TUBGCP3: variants seen among roughly 807,000 people sequenced by gnomAD.
TUBGCP3 encodes gamma-tubulin complex component 3.
TUBGCP3 carries 50 observed loss-of-function variants against 123.1 expected under a neutral mutation model. That is an observed-to-expected ratio of 0.41 (90% CI 0.32 to 0.51). The LOEUF is 0.51. Among genes scored for constraint, TUBGCP3 ranks in the 20% least tolerant of loss-of-function variants. The probability of loss-of-function intolerance (pLI) is 0.36; values close to 1 mark genes in which losing one functional copy is unlikely to be tolerated. For synonymous variants in TUBGCP3, 405 were observed against 413.9 expected (o/e 0.98, Z 0.26); for missense variants, 882 against 1,127.0 (o/e 0.78, Z 3.11).
intron 1 of TUBGCP3, among the ~76,000 whole-genome samples, chr13:112,579,693 G>A (rs1307112675): frequency 2.7e-5 from 4 of 148,282 alleles, no homozygotes; most frequent in East Asian, 2.0e-4. Flanking sequence ...TGCTGTGTGC[G>A]GGTGGAGCCA....
At position 112,554,887 on chromosome 13, in the gene TUBGCP3, C is replaced by T; in HGVS notation, c.840G>A (p.Lys280=). Reference sequence around the variant, plus strand: ...TAACTTAGATTTTATGTTACTGTACCTTTCCTTCTACTTTGTAACAATTTT... The same window carrying T: ...TAACTTAGATTTTATGTTACTGTACTTTTCCTTCTACTTTGTAACAATTTT... ...NTENCYKVEG[K]ANLSRSLRDT... is the part of the protein sequence containing the mutation. Residue 280 remains lysine (K), a splice_region_variant and synonymous_variant, in exon 7 of 22, where the codon AAG becomes AAA. Transcript: ENST00000261965. 6.3e-7 allele frequency: 1 copy of T among 1,588,016 alleles called. No individual in the cohort carries two copies.
chr13:112,522,965 G>A lies in TUBGCP3; in HGVS notation c.1556-456C>T, dbSNP rs141554068. On this transcript the variant is annotated intron_variant, in intron 13 of 21. Coordinates refer to ENST00000261965, the MANE Select transcript of TUBGCP3 (RefSeq NM_006322.6). ...CATGCACCATAGAGTGAACTCTACG[G>A]AGATTGGTGGAGATGTCTAGGGGAC... is the stretch of plus-strand genomic sequence containing the variant. Among the ~76,000 whole-genome samples the A allele has an allele frequency of 7.9e-5, 12 of 152,290 alleles. No individual in the cohort carries two copies. The East Asian group carries it at 1.5e-3, about 20-fold the overall frequency.
At chr13:112,504,407 G>A (rs973501810) in intron 18 of TUBGCP3, among the ~76,000 whole-genome samples, 2 of 150,176 alleles carry the variant, frequency 1.3e-5, no homozygotes, top group African/African-American at 2.5e-5. Flanking sequence ...AGAATCGCTT[G>A]AACCCAGGAG....
At chr13:112,562,112 A>C (rs2139243600) in intron 3 of TUBGCP3, among the ~76,000 whole-genome samples, 1 of 150,374 alleles carries the variant, frequency 6.7e-6, no homozygotes, top group Non-Finnish European at 1.5e-5. Flanking sequence ...CCACTAGGGA[A>C]CACCACCAGC....
rs1333119715 is a variant in TUBGCP3, at chr13:112,565,214, C to A, written c.185-36G>T. ...AGAAAAAAAATAAGTGTGGTAACTA[C>A]AAACACCAAAATTCATTCTTATGAT... On this transcript the variant is annotated intron_variant, in intron 2 of 21. Coordinates refer to ENST00000261965, the MANE Select transcript of TUBGCP3 (RefSeq NM_006322.6). The A allele has an allele frequency of 2.6e-6, 4 of 1,561,746 alleles. No homozygotes were observed. The East Asian group carries it at 9.0e-5, about 35-fold the overall frequency.
At chr13:112,562,159 C>A (rs371017122) in intron 3 of TUBGCP3, among the ~76,000 whole-genome samples, 1,055 of 83,348 alleles carry the variant, frequency 0.013, no homozygotes, top group Middle Eastern at 0.044. Context: ...CCAGGACCCA[C>A]TAGGGAACAC....
chr13:112,559,339 G>A lies in TUBGCP3; in HGVS notation c.313C>T (p.Arg105Cys), dbSNP rs375434522. The A allele has an allele frequency of 1.3e-5, 21 of 1,611,886 alleles. No individual in the cohort carries two copies. In the East Asian group the frequency reaches 1.3e-4, roughly 10 times the overall value. ...YLLLSLSEDPRRQPSKVSSYA... is the reference protein window; with the variant it reads ...YLLLSLSEDPCRQPSKVSSYA... Reference sequence around the variant, plus strand: ...CCACTTACCTTGCTTGGCTGCCTGCGTGGGTCCTCACTGAGGCTCAGCAAG... The same window carrying A: ...CCACTTACCTTGCTTGGCTGCCTGCATGGGTCCTCACTGAGGCTCAGCAAG... The change falls in exon 4 of 22, where the codon CGC becomes TGC. Residue 105 changes from arginine to cysteine, a missense_variant. Arg to Cys is a radical substitution (Grantham distance 180, BLOSUM62 -3). Transcript: ENST00000261965.
chr13:112,501,643 T>A (rs1429187289), intron 19 of TUBGCP3, among the ~76,000 whole-genome samples: 2 of 152,264 alleles, frequency 1.3e-5, no homozygotes, highest in African/African-American at 4.8e-5. Flanking sequence ...TAATAGATTG[T>A]TTTAATCTGC....
chr13:112,601,900 T>C, the TUBGCP3 span, among the ~76,000 whole-genome samples: 5 of 152,244 alleles, frequency 3.3e-5, no homozygotes, highest in East Asian at 7.7e-4. Context: ...CCGCACTTCC[T>C]GCTGTGCCTC....
intron 3 of TUBGCP3, among the ~76,000 whole-genome samples, chr13:112,564,070 G>GA (rs35310302): frequency 0.3 from 45,348 of 151,926 alleles, 7,417 homozygotes; most frequent in African/African-American, 0.42. Context: ...AAAGATTTAA[G>GA]AAAGCAAATG....
chr13:112,591,499 C>T (rs1036407977), upstream of TUBGCP3, among the ~76,000 whole-genome samples: 1 of 152,216 alleles, frequency 6.6e-6, no homozygotes, highest in Non-Finnish European at 1.5e-5. Context: ...AGCCATTGCC[C>T]ATGAAACAAA....
intron 11 of TUBGCP3, among the ~76,000 whole-genome samples, chr13:112,530,117 A>G (rs965909925): frequency 1.3e-5 from 2 of 152,236 alleles, no homozygotes; most frequent in Non-Finnish European, 2.9e-5. Flanking sequence ...GGATGGCCTC[A>G]GTTGATTTCA....
At chr13:112,604,183 TAG>T in the TUBGCP3 span, 4 of 151,512 alleles carry the variant, frequency 2.6e-5, no homozygotes, top group Non-Finnish European at 5.9e-5. Context: ...TCCAGATCTT[TAG>T]AGTCTTGTAT....
At chr13:112,528,344 C>A (rs1877302254) in intron 11 of TUBGCP3, among the ~76,000 whole-genome samples, 3 of 152,222 alleles carry the variant, frequency 2.0e-5, no homozygotes, top group Admixed American at 2.0e-4. Flanking sequence ...TTCCTTTCCA[C>A]ACAGCTGTGT....
At chr13:112,579,964 T>G (rs9550153) in intron 1 of TUBGCP3, among the ~76,000 whole-genome samples, 44,311 of 152,156 alleles carry the variant, frequency 0.29, 7,013 homozygotes, top group African/African-American at 0.4. Flanking sequence ...ATGGATAAAC[T>G]GGTTCATCAT....
chr13:112,523,118 A>G (rs898122756), intron 13 of TUBGCP3, among the ~76,000 whole-genome samples: 2 of 152,246 alleles, frequency 1.3e-5, no homozygotes, highest in Non-Finnish European at 2.9e-5. Context: ...AGCTTCTTAC[A>G]GTGCTGATTT....
intron 21 of TUBGCP3, 73 bp downstream of exon 21, chr13:112,489,508 C>T (rs1879931313): frequency 9.4e-7 from 1 of 1,062,700 alleles, no homozygotes. Flanking sequence ...GCTCTCATCA[C>T]TGTGAAAGCA....
chr13:112,581,720 A>T (rs925628752), intron 1 of TUBGCP3, among the ~76,000 whole-genome samples: 3 of 152,236 alleles, frequency 2.0e-5, no homozygotes, highest in Admixed American at 6.5e-5. Flanking sequence ...TGCTGGGATT[A>T]CAGGTGTGAG....
chr13:112,486,064 G>A lies in TUBGCP3; in HGVS notation c.2653C>T (p.His885Tyr). 6.2e-7 allele frequency: 1 copy of A among 1,610,080 alleles called. No homozygotes were observed. The highest frequency in any genetic ancestry group is 2.2e-5 in the East Asian group (1 of 44,864). ...AGCCTGGGCTCCCTGGCTTTGTAAT[G>A]CTCGTTGAAGTCCAGCCTGAAGCTA... is the stretch of plus-strand genomic sequence containing the variant. ...FLSFRLDFNE[H>Y]YKAREPRLRV... is the part of the protein sequence containing the mutation. The change falls in exon 22 of 22, where the codon CAT becomes TAT. Residue 885 changes from histidine (H) to tyrosine (Y), a missense_variant. This residue lies in a region of TUBGCP3 where 160 missense variants were observed against 220.3 expected (regional missense o/e 0.73). Coordinates refer to ENST00000261965, the MANE Select transcript of TUBGCP3 (RefSeq NM_006322.6).
Sources: gnomAD v4.1 joint callset for allele counts (sites outside exome capture counted in the v4.1 genomes callset) on GRCh38, gnomAD v4.1.1 for gene constraint, gnomAD v4.1.1 regional missense constraint, MANE v1.5 for transcripts, NCBI Gene and HGNC (gene_info 2026-07-23, HGNC 2026-07-21) for gene names.